Variants in UIMC1 observed in about 807,000 individuals in gnomAD.
UIMC1 encodes the protein BRCA1-A complex subunit RAP80.
Under a neutral mutation model 84.9 loss-of-function variants are expected in UIMC1, and 42 were observed. The ratio of observed to expected loss-of-function variants is 0.49; its 90% CI spans 0.39 to 0.64. UIMC1 has a LOEUF of 0.64. UIMC1 is among the 30% of genes least tolerant of loss of function. UIMC1 has a pLI of 0.00. For synonymous variants in UIMC1, 281 were observed against 293.0 expected, an observed-to-expected ratio of 0.96 and a Z score of 0.42; for missense variants, 825 against 847.6, an observed-to-expected ratio of 0.97 and a Z score of 0.33.
In UIMC1 at chr5:176,941,126, ATAAT is replaced by A. The variant is rs527710019; in HGVS notation, c.1597+2205_1597+2208del. 1.8e-4 allele frequency among the ~76,000 whole-genome samples: 27 copies of A among 152,384 alleles called. 1 individual carries two copies. In the South Asian group the frequency reaches 4.1e-3, roughly 23 times the overall value. ...TAACTTGAAGCATTTCAAATATGTA[ATAAT>A]TAAGTAAATGACAGCAATCCAGGTT... On this transcript the variant is annotated intron_variant, in intron 10 of 14. Coordinates refer to ENST00000511320, the MANE Select transcript of UIMC1 (RefSeq NM_001199298.2).
chr5:177,017,658 C>G (rs951087301), intron 1 of UIMC1, among the ~76,000 whole-genome samples: 1 of 151,362 alleles, frequency 6.6e-6, no homozygotes, highest in Non-Finnish European at 1.5e-5. Context: ...AGGCCTGAGC[C>G]ACCACGCTGG....
At chr5:176,978,146 C>G (rs570788043) in intron 2 of UIMC1, among the ~76,000 whole-genome samples, 3 of 151,806 alleles carry the variant, frequency 2.0e-5, no homozygotes, top group Non-Finnish European at 4.4e-5. Flanking sequence ...CCGAGGCGGA[C>G]GGATCACGAG....
intron 1 of UIMC1, among the ~76,000 whole-genome samples, chr5:177,014,594 G>A (rs1426224699): frequency 1.3e-5 from 2 of 152,144 alleles, no homozygotes; most frequent in Non-Finnish European, 2.9e-5. Context: ...AATATTGGAA[G>A]GCTGAGGCAG....
rs1467939808 is a variant in UIMC1 at position 177,006,694 on chromosome 5, G to A, written c.-53C>T. ...TGTAGACCTTCTCCGGGTTGCCGGG[G>A]GTCGCGAGCCGCCACACGTTGGGAG... is the stretch of plus-strand genomic sequence containing the variant. On this transcript the variant is annotated 5_prime_UTR_variant, in exon 1 of 15. Coordinates refer to ENST00000511320, the MANE Select transcript of UIMC1 (RefSeq NM_001199298.2). The A allele has an allele frequency of 6.6e-6, 1 of 152,174 alleles. No individual in the cohort carries two copies. Among genetic ancestry groups the A allele is most frequent in the Admixed American group, 6.5e-5 (1 of 15,282 alleles). 9.4% of individuals were successfully genotyped at this position (152,174 alleles called of 1,614,324 possible).
At chr5:177,013,093 A>C (rs1484137945) in intron 1 of UIMC1, among the ~76,000 whole-genome samples, 1 of 146,982 alleles carries the variant, frequency 6.8e-6, no homozygotes. Context: ...AAAAAAAAAA[A>C]GGGCCAGGCA....
At chr5:176,977,524 G>A (rs899170639) in intron 2 of UIMC1, among the ~76,000 whole-genome samples, 53 of 145,508 alleles carry the variant, frequency 3.6e-4, no homozygotes, top group African/African-American at 1.3e-3. Flanking sequence ...GCAGTAAGCC[G>A]AGATCACGTC....
chr5:177,011,486 G>A (rs565104877), upstream of UIMC1, among the ~76,000 whole-genome samples: 246 of 152,200 alleles, frequency 1.6e-3, no homozygotes, highest in African/African-American at 5.7e-3. Flanking sequence ...AGGAGGCTAA[G>A]ATGGGAGGAT....
intron 1 of UIMC1, among the ~76,000 whole-genome samples, chr5:177,000,205 C>T (rs945247395): frequency 1.3e-5 from 2 of 152,186 alleles, no homozygotes; most frequent in African/African-American, 2.4e-5. Flanking sequence ...TCCGCCGCCT[C>T]GGCCTCCCAA....
chr5:176,987,278 G>GA (rs1244766868), intron 1 of UIMC1, among the ~76,000 whole-genome samples: 3 of 152,094 alleles, frequency 2.0e-5, no homozygotes, highest in Non-Finnish European at 4.4e-5. Flanking sequence ...ATCAATGCAG[G>GA]AAACAAGTCA....
At chr5:177,017,076 C>A (rs1200891530) in intron 1 of UIMC1, among the ~76,000 whole-genome samples, 3 of 152,136 alleles carry the variant, frequency 2.0e-5, no homozygotes, top group African/African-American at 7.2e-5. Flanking sequence ...AATAAAGAAG[C>A]CTGAGAAGTG....
chr5:176,978,956 C>A (rs1440630029), intron 2 of UIMC1, among the ~76,000 whole-genome samples: 1 of 151,754 alleles, frequency 6.6e-6, no homozygotes, highest in Non-Finnish European at 1.5e-5. Context: ...CTACAGCCAA[C>A]GCAATGAAAA....
rs892343699 is a variant in UIMC1, at chr5:176,943,547, G to A, written c.1444-59C>T. 5 of 1,572,080 alleles carry A rather than the reference G, an allele frequency of 3.2e-6. No individual in the cohort carries two copies. In the African/African-American group the frequency reaches 4.1e-5, roughly 13 times the overall value. On this transcript the variant is annotated intron_variant, in intron 9 of 14. Transcript: ENST00000511320. Reference sequence around the variant, plus strand: ...TTTAGTTCATATCATTCCCTACAACGAACTGCAAGAGACTCCACCCCATAT... The same window carrying A: ...TTTAGTTCATATCATTCCCTACAACAAACTGCAAGAGACTCCACCCCATAT...
chr5:176,946,243 G>A (rs1163758754), intron 9 of UIMC1, among the ~76,000 whole-genome samples: 3 of 152,152 alleles, frequency 2.0e-5, no homozygotes, highest in Admixed American at 1.3e-4. Flanking sequence ...AGAGAGCCCC[G>A]ATGCATTGCG....
At chr5:176,948,119 C>A (rs539647051) in intron 9 of UIMC1, among the ~76,000 whole-genome samples, 93 of 152,256 alleles carry the variant, frequency 6.1e-4, no homozygotes, top group African/African-American at 2.2e-3. Context: ...CTCTGGAGGA[C>A]TCTGAATAAC....
chr5:176,908,935 G>A (rs953204924), intron 11 of UIMC1, among the ~76,000 whole-genome samples: 1 of 152,172 alleles, frequency 6.6e-6, no homozygotes, highest in East Asian at 1.9e-4. Context: ...TGCAGCAGTG[G>A]GATGGTAATG....
chr5:176,934,683 G>GT (rs1372507145), intron 10 of UIMC1, among the ~76,000 whole-genome samples: 9 of 152,158 alleles, frequency 5.9e-5, no homozygotes, highest in Admixed American at 2.0e-4. Context: ...TAGTAAAAGG[G>GT]TTTTCCTTTA....
At chr5:176,997,771 A>C (rs985571908) in intron 1 of UIMC1, among the ~76,000 whole-genome samples, 1 of 151,798 alleles carries the variant, frequency 6.6e-6, no homozygotes, top group Non-Finnish European at 1.5e-5. Context: ...TAGTCTACAA[A>C]GTATGTCCCG....
chr5:176,982,833 G>A (rs1373401253), intron 1 of UIMC1, among the ~76,000 whole-genome samples: 2 of 152,110 alleles, frequency 1.3e-5, no homozygotes, highest in East Asian at 3.8e-4. Flanking sequence ...CCGAGTAGCT[G>A]GGACCACAGG....
intron 10 of UIMC1, among the ~76,000 whole-genome samples, chr5:176,925,319 A>G (rs904013080): frequency 1.3e-5 from 2 of 152,252 alleles, no homozygotes; most frequent in African/African-American, 2.4e-5. Context: ...GCTAAAATTA[A>G]GGGGATAAAA....
Sources: gnomAD v4.1 joint callset for allele counts (sites outside exome capture counted in the v4.1 genomes callset) on GRCh38, gnomAD v4.1.1 for gene constraint, MANE v1.5 for transcripts, NCBI Gene and HGNC (gene_info 2026-07-23, HGNC 2026-07-21) for gene names.